ZNF667: variants seen among roughly 807,000 people sequenced by gnomAD.
The protein encoded by ZNF667 is myocardial ischemic preconditioning upregulated 1 ortholog.
Under a neutral mutation model 31.8 loss-of-function variants are expected in ZNF667, and 13 were observed. That is an observed-to-expected ratio of 0.41 (90% CI 0.27 to 0.65). The LOEUF (loss-of-function observed/expected upper bound fraction) is 0.65, where lower values mean the gene tolerates loss of function less well. ZNF667 is among the 30% of genes least tolerant of loss of function. The probability of loss-of-function intolerance (pLI) is 0.32; values close to 1 mark genes in which losing one functional copy is unlikely to be tolerated. For missense variants in ZNF667, 642 were observed against 725.6 expected (o/e 0.88, Z 1.32); for synonymous variants, 228 against 247.1 (o/e 0.92, Z 0.73).
At chr19:56,473,360 C>T (rs992600996) in intron 2 of ZNF667, among the ~76,000 whole-genome samples, 1 of 152,046 alleles carries the variant, frequency 6.6e-6, no homozygotes, top group Admixed American at 6.5e-5. Context: ...AAATACGTAA[C>T]ACATTTAGAG....
At position 56,441,758 on chromosome 19, in the gene ZNF667, T is replaced by G; in HGVS notation, c.1237A>C (p.Lys413Gln). 6.2e-7 allele frequency: 1 copy of G among 1,614,088 alleles called. No homozygotes were observed. Among genetic ancestry groups the G allele is most frequent in the Non-Finnish European group, 8.5e-7 (1 of 1,180,014 alleles). The change falls in exon 7 of 7, where the codon AAA becomes CAA. Residue 413 changes from lysine to glutamine, a missense_variant. Transcript: ENST00000504904. The surrounding 1 kb of genome is among the most constrained non-coding windows in gnomAD (Gnocchi z 4.2). ...QHQKVHTKKK[K>Q]LFECKECGKM... ...CCACATTCCTTACACTCAAATAGTT[T>G]CTTTTTCTTTGTATGAACTTTCTGA...
intron 6 of ZNF667, among the ~76,000 whole-genome samples, chr19:56,451,629 G>C (rs1017811584): frequency 6.6e-6 from 1 of 152,058 alleles, no homozygotes; most frequent in African/African-American, 2.4e-5. Context: ...AGCACTTTGG[G>C]AGGCTGAGGC....
At chr19:56,464,893 T>C (rs1304114025) in intron 3 of ZNF667, among the ~76,000 whole-genome samples, 1 of 152,184 alleles carries the variant, frequency 6.6e-6, no homozygotes, top group Non-Finnish European at 1.5e-5. Context: ...AGAGACACAG[T>C]TCTGCTGCAG....
intron 6 of ZNF667, among the ~76,000 whole-genome samples, chr19:56,450,569 CAA>C (rs1160983159): frequency 6.6e-6 from 1 of 151,892 alleles, no homozygotes; most frequent in Non-Finnish European, 1.5e-5. Context: ...CAGATAAATA[CAA>C]AATATTATAA....
chr19:56,455,564 A>G (rs2042914013), intron 6 of ZNF667, among the ~76,000 whole-genome samples: 1 of 152,196 alleles, frequency 6.6e-6, no homozygotes, highest in African/African-American at 2.4e-5. Context: ...GGGAGCTAAA[A>G]ATCAAAACAA....
chr19:56,460,870 G>A, intron 4 of ZNF667, 55 bp from the exon 5 acceptor site: 3 of 1,505,270 alleles, frequency 2.0e-6, no homozygotes, highest in South Asian at 1.4e-5. Flanking sequence ...CCACATGGCT[G>A]GAGGAAATGG....
At chr19:56,473,246 T>G (rs2043330928) in intron 2 of ZNF667, among the ~76,000 whole-genome samples, 1 of 152,228 alleles carries the variant, frequency 6.6e-6, no homozygotes, top group African/African-American at 2.4e-5. Context: ...TGTGTGGACT[T>G]AGACACTCTA....
Position 56,439,966 on chromosome 19 carries a change from C to T in ZNF667, c.*1196G>A, listed in dbSNP as rs940282104. The stretch of plus-strand genomic sequence containing the variant: ...AGCCACCGGGCTCAGCCTGATGTCT[C>T]TTCTTATAAAGGCACTAATCCCATC... On this transcript the variant is annotated 3_prime_UTR_variant, in exon 7 of 7. Transcript: ENST00000504904. 2 of 152,274 alleles carry T rather than the reference C, an allele frequency of 1.3e-5. No individual in the cohort carries two copies. Among genetic ancestry groups the T allele is most frequent in the East Asian group, 3.9e-4 (2 of 5,186 alleles). The allele number at this position is 152,274 out of a possible 1,614,324, so 9.4% of individuals were successfully genotyped here.
chr19:56,442,652 G>A lies in ZNF667; in HGVS notation c.343C>T (p.Gln115Ter). 1 of 1,613,480 alleles carries A rather than the reference G, an allele frequency of 6.2e-7. No homozygotes were observed. The highest frequency in any genetic ancestry group is 8.5e-7 in the Non-Finnish European group (1 of 1,179,880). ...QSICQKLVSA[Q>*]QKAPTRKSGC... ...CTCTTTCGTGTAGGAGCTTTTTGTT[G>A]TGCAGAAACTAGTTTCTGGCAGATG... The change falls in exon 7 of 7, where the codon CAA becomes TAA. Residue 115 changes from glutamine to a stop codon, truncating the protein, a stop_gained. Coordinates refer to ENST00000504904, the MANE Select transcript of ZNF667 (RefSeq NM_001321356.2). LOFTEE classifies it low-confidence loss of function (END_TRUNC).
chr19:56,462,040 C>A (rs780411978), intron 4 of ZNF667, among the ~76,000 whole-genome samples: 2 of 152,236 alleles, frequency 1.3e-5, no homozygotes, highest in Non-Finnish European at 2.9e-5. Flanking sequence ...TCTTCCTCCA[C>A]GGAGGACATT....
At chr19:56,463,356 A>T (rs1167622565) in intron 3 of ZNF667, among the ~76,000 whole-genome samples, 1 of 152,020 alleles carries the variant, frequency 6.6e-6, no homozygotes, top group Non-Finnish European at 1.5e-5. Flanking sequence ...GGAGTGGAGG[A>T]AGGAAGATGT....
At chr19:56,476,670 T>C (rs8109617) in intron 1 of ZNF667, among the ~76,000 whole-genome samples, 92,377 of 152,006 alleles carry the variant, frequency 0.61, 28,892 homozygotes, top group Middle Eastern at 0.73. Flanking sequence ...GCCCATCACA[T>C]CTTAGAGCTG....
chr19:56,467,784 G>A (rs943329693), intron 3 of ZNF667: 1 of 152,226 alleles, frequency 6.6e-6, no homozygotes, highest in Admixed American at 6.5e-5. Flanking sequence ...AGAAAGAAAT[G>A]TGTAGAAATA....
chr19:56,459,866 C>T (rs548647560), intron 5 of ZNF667, among the ~76,000 whole-genome samples: 1 of 152,198 alleles, frequency 6.6e-6, no homozygotes, highest in East Asian at 1.9e-4. Context: ...ATGGAGCGTG[C>T]CTGTAATCCC....
Position 56,442,040 on chromosome 19 carries a change from G to T in ZNF667, c.955C>A (p.Leu319Ile). 1 of 1,614,090 alleles carries T rather than the reference G, an allele frequency of 6.2e-7. No homozygotes were observed. Among genetic ancestry groups the T allele is most frequent in the Non-Finnish European group, 8.5e-7 (1 of 1,180,012 alleles). Residue 319 changes from leucine to isoleucine, a missense_variant, in exon 7 of 7, where the codon CTA (leucine) becomes ATA (isoleucine). Leu to Ile is a conservative substitution (Grantham distance 5). Coordinates refer to ENST00000504904, the MANE Select transcript of ZNF667 (RefSeq NM_001321356.2). ...PENAKALSQS[L>I]QQRSHHLENP... ...TCTAAATGGTGACTTCTTTGCTGTA[G>T]ACTCTGACTTAAGGCCTTCGCATTT...
At chr19:56,456,930 A>T (rs2042943185) in intron 6 of ZNF667, among the ~76,000 whole-genome samples, 1 of 152,194 alleles carries the variant, frequency 6.6e-6, no homozygotes, top group Non-Finnish European at 1.5e-5. Context: ...TTAAGATGTA[A>T]AATAATGCAC....
At chr19:56,462,155 A>G (rs969927768) in intron 4 of ZNF667, among the ~76,000 whole-genome samples, 183 bp downstream of exon 4, 2 of 152,208 alleles carry the variant, frequency 1.3e-5, no homozygotes, top group Admixed American at 1.3e-4. Context: ...AGGCTCGCTG[A>G]GCAGTTTCCT....
rs563299098 is a variant in ZNF667 at position 56,450,336 on chromosome 19, C to CA, written c.254-7596dup. On this transcript the variant is annotated intron_variant, in intron 6 of 6. Transcript: ENST00000504904. ...GATATATTTAAAGAGCTGAAGAAAA[C>CA]AAAAACATTTATCCTGGAATATTAT... 5.0e-4 allele frequency among the ~76,000 whole-genome samples: 76 copies of CA among 152,202 alleles called. 1 individual carries two copies. The South Asian group carries it at 0.015, about 30-fold the overall frequency.
At chr19:56,472,848 G>A (rs1468570130) in intron 2 of ZNF667, 1 of 152,056 alleles carries the variant, frequency 6.6e-6, no homozygotes, top group Non-Finnish European at 1.5e-5. Context: ...ACAGGGGGTT[G>A]GTACCACTAA....
Sources: gnomAD v4.1 joint callset for allele counts (sites outside exome capture counted in the v4.1 genomes callset) on GRCh38, gnomAD v4.1.1 for gene constraint, Gnocchi (gnomAD v3.1) non-coding constraint, MANE v1.5 for transcripts, NCBI Gene and HGNC (gene_info 2026-07-23, HGNC 2026-07-21) for gene names.